RCSD1: variants seen among roughly 807,000 people sequenced by gnomAD.
The protein encoded by RCSD1 is RCSD domain containing 1, also known as capZ-interacting protein.
In RCSD1, 26 loss-of-function variants were observed where a neutral mutation model predicts 42.5. The observed-to-expected ratio is 0.61, with a 90% CI of 0.45 to 0.85. The LOEUF (loss-of-function observed/expected upper bound fraction) is 0.85, where lower values mean the gene tolerates loss of function less well. Ranked by LOEUF, RCSD1 falls within the 40% of genes least tolerant of loss-of-function variation. The pLI is 0.00. For missense variants in RCSD1, 571 were observed against 528.3 expected, an observed-to-expected ratio of 1.08 and a Z score of -0.79; for synonymous variants, 220 against 212.2, an observed-to-expected ratio of 1.04 and a Z score of -0.32.
chr1:167,676,021 T>C (rs748535158), intron 1 of RCSD1, among the ~76,000 whole-genome samples: 1 of 152,194 alleles, frequency 6.6e-6, no homozygotes, highest in Non-Finnish European at 1.5e-5. Context: ...TAGCTAACAA[T>C]TATCAAACAC....
chr1:167,676,626 T>G (rs1658958480), intron 1 of RCSD1, among the ~76,000 whole-genome samples: 1 of 152,040 alleles, frequency 6.6e-6, no homozygotes, highest in Admixed American at 6.5e-5. Context: ...CAAATTACAC[T>G]GATAAAATCC....
chr1:167,680,010 T>C (rs976759933), intron 1 of RCSD1, among the ~76,000 whole-genome samples: 15 of 152,008 alleles, frequency 9.9e-5, no homozygotes, highest in Admixed American at 2.0e-4. Flanking sequence ...CAGAGGTGAT[T>C]TTCTCCTAGC....
intron 1 of RCSD1, among the ~76,000 whole-genome samples, chr1:167,669,242 G>A (rs1377499943): frequency 2.6e-5 from 4 of 152,252 alleles, no homozygotes; most frequent in African/African-American, 4.8e-5. Flanking sequence ...TTGATCAAGT[G>A]ACCATGTAAG....
intron 6 of RCSD1, among the ~76,000 whole-genome samples, chr1:167,701,001 C>A (rs116393360): frequency 2.0e-5 from 3 of 152,140 alleles, no homozygotes; most frequent in Admixed American, 2.0e-4. Context: ...AGTCTTCCTG[C>A]GGGAACTCCA....
At chr1:167,652,016 A>ATGTT (rs1239017303) in intron 1 of RCSD1, among the ~76,000 whole-genome samples, 15 of 94,766 alleles carry the variant, frequency 1.6e-4, no homozygotes, top group African/African-American at 5.9e-4. Context: ...GCCTCTGTTC[A>ATGTT]TCTTTTTTTT....
At chr1:167,650,486 G>T (rs185362142) in intron 1 of RCSD1, among the ~76,000 whole-genome samples, 126 of 152,290 alleles carry the variant, frequency 8.3e-4, no homozygotes, top group Non-Finnish European at 1.4e-3. Context: ...CACCAGCCAG[G>T]GGGTAGGCAG....
At chr1:167,645,763 ACATGTG>A (rs1309810950) in intron 1 of RCSD1, among the ~76,000 whole-genome samples, 1 of 152,218 alleles carries the variant, frequency 6.6e-6, no homozygotes, top group Non-Finnish European at 1.5e-5. Flanking sequence ...GTGTGGGTGC[ACATGTG>A]TGTGCACAGC....
chr1:167,674,898 T>C (rs1286291375), intron 1 of RCSD1, among the ~76,000 whole-genome samples: 1 of 152,138 alleles, frequency 6.6e-6, no homozygotes, highest in East Asian at 1.9e-4. Context: ...ATTAGTCTGT[T>C]CTCATGCTGC....
intron 1 of RCSD1, among the ~76,000 whole-genome samples, chr1:167,656,444 T>C (rs945571903): frequency 7.2e-5 from 11 of 152,242 alleles, no homozygotes; most frequent in African/African-American, 2.7e-4. Context: ...GCAAACATTT[T>C]CTCCACTATT....
chr1:167,676,384 G>A (rs533004829), intron 1 of RCSD1, among the ~76,000 whole-genome samples: 1 of 152,314 alleles, frequency 6.6e-6, no homozygotes, highest in African/African-American at 2.4e-5. Flanking sequence ...ATATTGGGTT[G>A]AACCAAAGGA....
chr1:167,630,417 G>A lies in RCSD1; in HGVS notation c.-7G>A, dbSNP rs1047030700. 5.9e-6 allele frequency: 9 copies of A among 1,533,932 alleles called. No individual in the cohort carries two copies. The highest frequency in any genetic ancestry group is 7.9e-6 in the Non-Finnish European group (9 of 1,137,914). On this transcript the variant is annotated 5_prime_UTR_variant, in exon 1 of 7. Transcript: ENST00000367854. The stretch of plus-strand genomic sequence containing the variant: ...TGCGTCTGCCGCAGAGTCGGCACCT[G>A]AAGGACATGGAGGTAAAGGACCCCG...
In RCSD1 at chr1:167,675,017, T is replaced by C. The variant is rs573471144; in HGVS notation, c.7-8883T>C. 1.1e-4 allele frequency among the ~76,000 whole-genome samples: 17 copies of C among 151,948 alleles called. No individual in the cohort carries two copies. The South Asian group carries it at 2.1e-3, about 19-fold the overall frequency. On this transcript the variant is annotated intron_variant, in intron 1 of 6. Transcript: ENST00000367854. ...GTCAGGAGATCAAGACCATCCTGGC[T>C]AACACAGTGAAACCCCATCTCTACT...
intron 1 of RCSD1, among the ~76,000 whole-genome samples, chr1:167,636,580 G>GTTTT (rs112074484): frequency 9.3e-5 from 14 of 150,582 alleles, no homozygotes; most frequent in African/African-American, 2.9e-4. Flanking sequence ...GCTTCTTTTT[G>GTTTT]TTTTTTTTTG....
At chr1:167,650,823 G>C (rs757982757) in intron 1 of RCSD1, among the ~76,000 whole-genome samples, 2 of 152,200 alleles carry the variant, frequency 1.3e-5, no homozygotes, top group Admixed American at 6.5e-5. Flanking sequence ...GGGATAAGGA[G>C]GGGGGCAGCC....
chr1:167,642,171 C>A (rs73031891), intron 1 of RCSD1, among the ~76,000 whole-genome samples: 2,113 of 152,294 alleles, frequency 0.014, 36 homozygotes, highest in African/African-American at 0.048. Flanking sequence ...CTCTCATGGC[C>A]TCCAAATGAT....
intron 6 of RCSD1, among the ~76,000 whole-genome samples, chr1:167,700,718 A>G (rs1217582251): frequency 1.3e-5 from 2 of 152,106 alleles, no homozygotes; most frequent in African/African-American, 2.4e-5. Context: ...CTTTACATTT[A>G]GGATTTTCTG....
At chr1:167,689,891 G>T (rs972182700) in intron 3 of RCSD1, among the ~76,000 whole-genome samples, 158 bp from the exon 4 acceptor site, 8 of 152,298 alleles carry the variant, frequency 5.3e-5, no homozygotes, top group African/African-American at 1.9e-4. Flanking sequence ...GAAAGTTCAC[G>T]TCGCCCAGGC....
rs1571097906 is a variant in RCSD1, at chr1:167,687,511, A to G, written c.198+2001A>G. On this transcript the variant is annotated intron_variant, in intron 3 of 6. Transcript: ENST00000367854. ...GCACTCCAGCCTGGGTGACACAGCAAGACTCCGTCTCAAAAAAAAAAAAAA... is the reference window on the plus strand; with the variant it reads ...GCACTCCAGCCTGGGTGACACAGCAGGACTCCGTCTCAAAAAAAAAAAAAA... Among the ~76,000 whole-genome samples, 5 of 150,174 alleles carry G rather than the reference A, an allele frequency of 3.3e-5. No individual in the cohort carries two copies. In the East Asian group the frequency reaches 9.7e-4, roughly 29 times the overall value.
intron 1 of RCSD1, 27 bp downstream of exon 1, chr1:167,630,456 G>T: frequency 6.5e-7 from 1 of 1,530,676 alleles, no homozygotes; most frequent in Non-Finnish European, 8.8e-7. Context: ...GGAGACGCGG[G>T]GCTGAGCGGT....
Sources: allele counts gnomAD v4.1 joint callset (sites outside exome capture counted in the v4.1 genomes callset), GRCh38; gene constraint gnomAD v4.1.1; transcripts MANE v1.5; gene names NCBI Gene and HGNC (gene_info 2026-07-23, HGNC 2026-07-21).